The following LRRC56 variants were observed in gnomAD, a reference collection of about 807,000 sequenced individuals.
LRRC56 encodes the protein leucine rich repeat containing 56.
A neutral mutation model predicts 47.8 loss-of-function variants in LRRC56; 41 were observed. The ratio of observed to expected loss-of-function variants is 0.86; its 90% CI spans 0.67 to 1.11. The LOEUF is 1.11. Ranked by LOEUF, LRRC56 falls within the 50% of genes most tolerant of loss-of-function variation. LRRC56 has a pLI of 0.00. For synonymous variants in LRRC56, 387 were observed against 311.2 expected (o/e 1.24, Z -2.56); for missense variants, 759 against 704.2 (o/e 1.08, Z -0.88).
chr11:516,591 G>A, the LRRC56 span, among the ~76,000 whole-genome samples: 1 of 152,086 alleles, frequency 6.6e-6, no homozygotes, highest in Non-Finnish European at 1.5e-5. Context: ...GGAATGCAAG[G>A]CTGGTTCAAC....
At chr11:511,517 G>A in the LRRC56 span, among the ~76,000 whole-genome samples, 1 of 152,130 alleles carries the variant, frequency 6.6e-6, no homozygotes, top group East Asian at 1.9e-4. Flanking sequence ...TCTGATTCAC[G>A]GGCTAAGCTC....
rs1255033193 is a variant in LRRC56, at chr11:552,088, A to G, written c.1039-2A>G. The G allele has an allele frequency of 3.1e-6, 5 of 1,609,648 alleles. No homozygotes were observed. The highest frequency in any genetic ancestry group is 4.2e-6 in the Non-Finnish European group (5 of 1,177,636). On this transcript the variant is annotated splice_acceptor_variant, in intron 11 of 13. Coordinates refer to ENST00000270115, the MANE Select transcript of LRRC56 (RefSeq NM_198075.4). LOFTEE classifies it high-confidence loss of function. ...CCTAAAGCAGTCCCTTTTCCTCCCC[A>G]GGCCAGGGAGCCCCCCGAGCAGCTG... is the stretch of plus-strand genomic sequence containing the variant.
In LRRC56 at chr11:544,750, A is replaced by G; in HGVS notation, c.296A>G (p.Lys99Arg). The change falls in exon 6 of 14, where the codon AAG (lysine) becomes AGG (arginine). Residue 99 changes from lysine to arginine, a missense_variant. By Grantham distance (26) the Lys-to-Arg change is conservative. Transcript: ENST00000270115. ...CACCTGCCCAACCTGGACCAACTGAAGCTGAACGGCAGCCACCTGGGCTCC... is the reference window on the plus strand; with the variant it reads ...CACCTGCCCAACCTGGACCAACTGAGGCTGAACGGCAGCCACCTGGGCTCC... ...GVHLPNLDQL[K>R]LNGSHLGSLR... The G allele has an allele frequency of 6.2e-7, 1 of 1,611,974 alleles. No individual in the cohort carries two copies. Among genetic ancestry groups the G allele is most frequent in the Non-Finnish European group, 8.5e-7 (1 of 1,179,780 alleles).
At chr11:533,681 G>A, upstream of LRRC56, 3 of 1,611,576 alleles carry the variant, frequency 1.9e-6, no homozygotes, top group South Asian at 2.2e-5. Context: ...CATGCGCAGA[G>A]AGGACAGGAG....
At chr11:511,761 G>A in the LRRC56 span, among the ~76,000 whole-genome samples, 2 of 152,144 alleles carry the variant, frequency 1.3e-5, no homozygotes, top group Admixed American at 6.6e-5. Flanking sequence ...CCTCCTGCAC[G>A]GAGATGCTGT....
intron 3 of LRRC56, among the ~76,000 whole-genome samples, chr11:540,101 G>A (rs1851720904): frequency 1.3e-5 from 2 of 152,216 alleles, no homozygotes; most frequent in South Asian, 2.1e-4. Context: ...TGCAGGTACT[G>A]CCTGAGGGTA....
the LRRC56 span, among the ~76,000 whole-genome samples, chr11:527,470 G>A: frequency 6.6e-6 from 1 of 152,114 alleles, no homozygotes; most frequent in African/African-American, 2.4e-5. Context: ...TTCTGCTTCT[G>A]AGTTTGACTG....
the LRRC56 span, among the ~76,000 whole-genome samples, chr11:507,721 G>A: frequency 4.8e-4 from 73 of 152,378 alleles, no homozygotes; most frequent in Middle Eastern, 6.8e-3. Context: ...TGTCGGGGTC[G>A]CGACTCTAGG....
At chr11:532,522 G>T in the LRRC56 span, 1 of 1,421,372 alleles carries the variant, frequency 7.0e-7, no homozygotes, top group Non-Finnish European at 9.6e-7. Context: ...CTGAGCTTGT[G>T]CTGGGCGGGG....
At chr11:517,006 C>T in the LRRC56 span, among the ~76,000 whole-genome samples, 12 of 152,192 alleles carry the variant, frequency 7.9e-5, no homozygotes, top group East Asian at 3.9e-4. Context: ...TGCACCGCCA[C>T]GCCTGACTGG....
At chr11:512,634 C>T in the LRRC56 span, among the ~76,000 whole-genome samples, 1 of 152,196 alleles carries the variant, frequency 6.6e-6, no homozygotes. Context: ...TTAAAATCAC[C>T]ACTCTTCTAG....
chr11:540,006 T>C (rs1321310602), intron 3 of LRRC56, among the ~76,000 whole-genome samples: 1 of 152,212 alleles, frequency 6.6e-6, no homozygotes, highest in Non-Finnish European at 1.5e-5. Flanking sequence ...GCTGATCTGC[T>C]CACCTCTAGG....
the LRRC56 span, among the ~76,000 whole-genome samples, chr11:515,001 C>T: frequency 6.6e-6 from 1 of 152,236 alleles, no homozygotes; most frequent in Admixed American, 6.5e-5. Flanking sequence ...CTGGCTGAAC[C>T]TGAAATTGGG....
At chr11:508,687 A>G in the LRRC56 span, among the ~76,000 whole-genome samples, 2 of 151,454 alleles carry the variant, frequency 1.3e-5, no homozygotes, top group African/African-American at 2.4e-5. Context: ...GAATCGCTTG[A>G]ACACGGGAAG....
upstream of LRRC56, among the ~76,000 whole-genome samples, chr11:535,991 C>T (rs755802941): frequency 1.1e-3 from 169 of 152,244 alleles, 2 homozygotes; most frequent in Non-Finnish European, 5.0e-4. Context: ...GGCTGGGATC[C>T]GCCGGGACCA....
chr11:533,909 C>T (rs2133991462), upstream of LRRC56: 1 of 1,613,110 alleles, frequency 6.2e-7, no homozygotes, highest in Non-Finnish European at 8.5e-7. Context: ...ACAGGCACGT[C>T]TCCCCATCAA....
At chr11:544,874 G>A in intron 6 of LRRC56, 94 bp downstream of exon 6, 2 of 1,202,522 alleles carry the variant, frequency 1.7e-6, no homozygotes, top group Admixed American at 1.8e-5. Flanking sequence ...GGTGGGAGTG[G>A]GGGGACTTGG....
rs1241001294 is a variant in LRRC56 at position 552,651 on chromosome 11, G to A, written c.1264G>A (p.Val422Met). The A allele has an allele frequency of 1.2e-6, 2 of 1,611,756 alleles. No individual in the cohort carries two copies. The highest frequency in any genetic ancestry group is 1.3e-5 in the African/African-American group (1 of 74,900). The change falls in exon 13 of 14, where the codon GTG (valine) becomes ATG (methionine). Residue 422 changes from valine to methionine, a missense_variant. Coordinates refer to ENST00000270115, the MANE Select transcript of LRRC56 (RefSeq NM_198075.4). ...WGPRRVPEEQ[V>M]HQAEPKTPSS... Reference sequence around the variant, plus strand: ...CCCACGGAGGGTCCCTGAAGAGCAAGTGCACCAGGCAGAGCCCAAGACTCC... The same window carrying A: ...CCCACGGAGGGTCCCTGAAGAGCAAATGCACCAGGCAGAGCCCAAGACTCC...
At chr11:524,207 G>A in the LRRC56 span, among the ~76,000 whole-genome samples, 1 of 152,196 alleles carries the variant, frequency 6.6e-6, no homozygotes, top group Non-Finnish European at 1.5e-5. Context: ...TGGAGTGACA[G>A]CGTGAGGCCA....
Sources: gnomAD v4.1 joint callset for allele counts (sites outside exome capture counted in the v4.1 genomes callset) on GRCh38, gnomAD v4.1.1 for gene constraint, MANE v1.5 for transcripts, NCBI Gene and HGNC (gene_info 2026-07-23, HGNC 2026-07-21) for gene names.